C4orf50: variants seen among roughly 807,000 people sequenced by gnomAD.
C4orf50 encodes chromosome 4 open reading frame 50.
C4orf50 carries 80 observed loss-of-function variants against 77.2 expected under a neutral mutation model. That is an observed-to-expected ratio of 1.04 (90% CI 0.87 to 1.25). The LOEUF is 1.25. Among genes scored for constraint, C4orf50 ranks in the 50% most tolerant of loss-of-function variants. The pLI is 0.00. For synonymous variants in C4orf50, 532 were observed against 465.3 expected, an observed-to-expected ratio of 1.14 and a Z score of -1.84; for missense variants, 1,257 against 1,152.9, an observed-to-expected ratio of 1.09 and a Z score of -1.31.
At chr4:5,955,736 G>C (rs1009427174), downstream of C4orf50, among the ~76,000 whole-genome samples, 2 of 152,160 alleles carry the variant, frequency 1.3e-5, no homozygotes, top group Non-Finnish European at 1.5e-5. This position sits in a 1 kb window ranked among gnomAD's most constrained non-coding sequence, Gnocchi z 5.1. Flanking sequence ...GTGAGCACCT[G>C]CAGATGGAAA....
intron 30 of C4orf50, among the ~76,000 whole-genome samples, chr4:5,975,162 A>C (rs944222011): frequency 9.6e-5 from 11 of 114,192 alleles, no homozygotes; most frequent in African/African-American, 2.2e-4. Flanking sequence ...AAAAAAAAAA[A>C]AAAAAAAAAA....
At chr4:6,004,027 G>GTGATAGTGATGATGGTGATGGTGA (rs1722025573) in intron 25 of C4orf50, among the ~76,000 whole-genome samples, 1 of 30,752 alleles carries the variant, frequency 3.3e-5, no homozygotes, top group Non-Finnish European at 6.6e-5. Flanking sequence ...TGGTGATAAT[G>GTGATAGTGATGATGGTGATGGTGA]TGATAGTGAT....
exon 34 of C4orf50, chr4:5,959,526 C>A: frequency 6.2e-7 from 1 of 1,614,158 alleles, no homozygotes; most frequent in Non-Finnish European, 8.5e-7. Context: ...ACAGGGCATT[C>A]CGCCTTTTTC....
exon 34 of C4orf50, chr4:5,957,955 A>C (rs556808168): frequency 6.6e-6 from 1 of 152,376 alleles, no homozygotes; most frequent in East Asian, 1.9e-4. Flanking sequence ...CATTTCAAAC[A>C]AAAAGCTAAA....
At chr4:5,928,353 CACACACACATACACACACACACACAT>C (rs1459415661) in intron 7 of C4orf50, among the ~76,000 whole-genome samples, 1 of 134,450 alleles carries the variant, frequency 7.4e-6, no homozygotes, top group Non-Finnish European at 1.7e-5. Flanking sequence ...CTCATACACA[CACACACACATACACACACACACACAT>C]ACACACACAC....
chr4:5,980,234 G>T (rs112022224), exon 29 of C4orf50: 1 of 1,611,640 alleles, frequency 6.2e-7, no homozygotes, highest in Non-Finnish European at 8.5e-7. Flanking sequence ...GGTGGGCAGC[G>T]CCCTGGTCCC....
chr4:5,939,377 T>C (rs960719740), intron 7 of C4orf50, among the ~76,000 whole-genome samples: 4 of 152,124 alleles, frequency 2.6e-5, no homozygotes, highest in Non-Finnish European at 5.9e-5. Flanking sequence ...TTCAATCTTT[T>C]CTCCACAGGG....
chr4:5,953,241 G>A (rs906098372), downstream of C4orf50, among the ~76,000 whole-genome samples: 6 of 152,180 alleles, frequency 3.9e-5, no homozygotes, highest in East Asian at 3.9e-4. Flanking sequence ...CTAGTCAGCC[G>A]AACCCTAGCC....
chr4:5,971,582 G>A (rs1204733661), intron 31 of C4orf50, among the ~76,000 whole-genome samples: 3 of 152,092 alleles, frequency 2.0e-5, no homozygotes, highest in African/African-American at 4.8e-5. Context: ...GAATGAATCC[G>A]TCCGATGACA....
chr4:5,997,342 A>G (rs1721640860), intron 25 of C4orf50, among the ~76,000 whole-genome samples: 1 of 152,212 alleles, frequency 6.6e-6, no homozygotes, highest in African/African-American at 2.4e-5. Flanking sequence ...AAACATACCT[A>G]GATCCCTGCC....
At chr4:6,004,612 G>A (rs1170190511) in intron 25 of C4orf50, among the ~76,000 whole-genome samples, 3 of 121,458 alleles carry the variant, frequency 2.5e-5, no homozygotes, top group East Asian at 4.9e-4. Flanking sequence ...GTGATGATGT[G>A]GTGGTGATGG....
chr4:5,984,735 G>A (rs1239660825), intron 28 of C4orf50, among the ~76,000 whole-genome samples: 1 of 151,662 alleles, frequency 6.6e-6, no homozygotes, highest in African/African-American at 2.4e-5. Context: ...CAAAAAGTCT[G>A]AATTTCTAGA....
At chr4:5,935,092 G>C (rs1717948222) in intron 7 of C4orf50, among the ~76,000 whole-genome samples, 1 of 152,220 alleles carries the variant, frequency 6.6e-6, no homozygotes. Context: ...GGAAGCTCTA[G>C]GTTCATAATT....
chr4:5,976,457 G>GAAAAAAAAAAAAAAAA, intron 29 of C4orf50, among the ~76,000 whole-genome samples: 1 of 93,080 alleles, frequency 1.1e-5, no homozygotes, highest in Non-Finnish European at 1.9e-5. Flanking sequence ...CTCTGTCTCG[G>GAAAAAAAAAAAAAAAA]AAAAAAAAAA....
chr4:6,012,843 T>A (rs140943833), intron 23 of C4orf50, among the ~76,000 whole-genome samples: 1 of 152,286 alleles, frequency 6.6e-6, no homozygotes, highest in African/African-American at 2.4e-5. Flanking sequence ...AGTTTCCAAG[T>A]CCCCTTAATG....
chr4:5,972,194 G>A (rs1363151159), intron 31 of C4orf50, among the ~76,000 whole-genome samples: 1 of 151,932 alleles, frequency 6.6e-6, no homozygotes, highest in Admixed American at 6.6e-5. Context: ...TAGTAGAGAC[G>A]GGGTTTCACC....
At chr4:5,924,336 C>T (rs1717416408) in intron 7 of C4orf50, among the ~76,000 whole-genome samples, 2 of 152,306 alleles carry the variant, frequency 1.3e-5, no homozygotes, top group East Asian at 3.9e-4. Context: ...GATTAAACTG[C>T]AGGAGCTGAT....
intron 7 of C4orf50, among the ~76,000 whole-genome samples, chr4:5,950,699 T>C (rs1289474411): frequency 1.5e-5 from 1 of 66,836 alleles, no homozygotes; most frequent in Non-Finnish European, 2.7e-5. Context: ...CTACCCACTG[T>C]CTCCACCCCC....
rs1354117111 is a variant in C4orf50 at position 5,901,209 on chromosome 4, A to C, written c.*2475-3021T>G. 2 of 152,276 alleles carry C rather than the reference A, an allele frequency of 1.3e-5. No individual in the cohort carries two copies. Among genetic ancestry groups the C allele is most frequent in the East Asian group, 3.8e-4 (2 of 5,202 alleles). The allele number at this position is 152,276 out of a possible 1,614,324, so 9.4% of individuals were successfully genotyped here. A position where few individuals can be genotyped will look rare whatever the true frequency, so the allele number is the denominator to read the frequency against. ...ACTTTCTTCCAAATTGTCATATGAC[A>C]GATCACCTTGTTCATAATGGCACAC... is the stretch of plus-strand genomic sequence containing the variant. On this transcript the variant is annotated intron_variant, in intron 7 of 7. Transcript: ENST00000324058. This position sits in a 1 kb window ranked among gnomAD's most constrained non-coding sequence, Gnocchi z 4.4.
Sources: allele counts gnomAD v4.1 joint callset (sites outside exome capture counted in the v4.1 genomes callset), GRCh38; gene constraint gnomAD v4.1.1; non-coding constraint Gnocchi (gnomAD v3.1); transcripts MANE v1.5; gene names NCBI Gene and HGNC (gene_info 2026-07-23, HGNC 2026-07-21).